The following DEF8 variants were observed in gnomAD, a reference collection of about 807,000 sequenced individuals.
DEF8 encodes DEF-8.
DEF8 carries 38 observed loss-of-function variants against 59.1 expected under a neutral mutation model. The ratio of observed to expected loss-of-function variants is 0.64; its 90% confidence interval spans 0.50 to 0.84. DEF8 has a LOEUF of 0.84. Among genes scored for constraint, DEF8 ranks in the 40% least tolerant of loss-of-function variants. DEF8 has a pLI of 0.00. For missense variants in DEF8, 557 were observed against 615.2 expected (o/e 0.91, Z 1.00); for synonymous variants, 265 against 250.1 (o/e 1.06, Z -0.56).
rs1172269302 is a variant in DEF8 at position 89,955,253 on chromosome 16, T to A, written c.209T>A (p.Phe70Tyr). 6.2e-7 allele frequency: 1 copy of A among 1,612,760 alleles called. No individual in the cohort carries two copies. Among genetic ancestry groups the A allele is most frequent in the Non-Finnish European group, 8.5e-7 (1 of 1,179,564 alleles). The change falls in exon 4 of 13, where the codon TTC (phenylalanine) becomes TAC (tyrosine). Residue 70 changes from phenylalanine (F) to tyrosine (Y), a missense_variant. Transcript: ENST00000563594. ...VMDLGLSEDHFSRPVGLFLAS... is the reference protein window; with the variant it reads ...VMDLGLSEDHYSRPVGLFLAS... Reference sequence around the variant, plus strand: ...GATCTCGGCCTGTCTGAGGACCACTTCTCCCGCCCTGTGGTAAGGTTTTAG... The same window carrying A: ...GATCTCGGCCTGTCTGAGGACCACTACTCCCGCCCTGTGGTAAGGTTTTAG...
In DEF8 at chr16:89,962,107, G is replaced by T. The variant is rs368150604; in HGVS notation, c.903G>T (p.Glu301Asp). The change falls in exon 9 of 13, where the codon GAG becomes GAT. Residue 301 changes from glutamate to aspartate, a missense_variant. Physicochemically the swap from Glu to Asp is conservative, Grantham distance 45. Coordinates refer to ENST00000563594, the MANE Select transcript of DEF8 (RefSeq NM_001242818.2). The part of the protein sequence containing the change: ...EINPLLFSYV[E>D]ELVEIRKLRQ... ...ACCCTCTGCTGTTCAGCTACGTGGA[G>T]GAGCTGGTGGAGATTCGCGTGAGGC... 10 of 1,614,000 alleles carry T rather than the reference G, an allele frequency of 6.2e-6. No homozygotes were observed. In the South Asian group the frequency reaches 1.1e-4, roughly 18 times the overall value.
intron 2 of DEF8, among the ~76,000 whole-genome samples, chr16:89,950,493 A>ATTCTCCTGC (rs2031825526): frequency 6.6e-6 from 1 of 151,116 alleles, no homozygotes; most frequent in Non-Finnish European, 1.5e-5. Context: ...TGTTCAAGTG[A>ATTCTCCTGC]TTCTCCTGCC....
intron 1 of DEF8, among the ~76,000 whole-genome samples, 163 bp from the exon 2 acceptor site, chr16:89,949,254 G>C (rs1174478151): frequency 6.6e-6 from 1 of 152,100 alleles, no homozygotes; most frequent in South Asian, 2.1e-4. Context: ...CAGGGGACCC[G>C]CGTGGCCGTG....
chr16:89,959,029 G>A lies in DEF8; in HGVS notation c.388G>A (p.Glu130Lys), dbSNP rs1356591725. 1.9e-6 allele frequency: 3 copies of A among 1,612,306 alleles called. No individual in the cohort carries two copies. The highest frequency in any genetic ancestry group is 8.5e-7 in the Non-Finnish European group (1 of 1,180,028). The change falls in exon 6 of 13, where the codon GAG becomes AAG. Residue 130 changes from glutamate (E) to lysine (K), a missense_variant. Physicochemically the swap from Glu to Lys is moderately conservative, Grantham distance 56. Transcript: ENST00000563594. ...LQELKDPNED[E>K]PNIRVLLEHR... ...CCCTCTGCAGGACCCCAATGAGGAT[G>A]AGCCAAACATCCGAGTGCTCCTTGA... is the stretch of plus-strand genomic sequence containing the variant.
intron 7 of DEF8, among the ~76,000 whole-genome samples, chr16:89,961,341 C>G (rs2151200466): frequency 6.6e-6 from 1 of 152,350 alleles, no homozygotes; most frequent in Admixed American, 6.5e-5. Context: ...GGGCTGGGAC[C>G]TGGCCTCCGC....
chr16:89,960,900 C>G (rs2033941645), intron 6 of DEF8, 31 bp from the exon 7 acceptor site: 1 of 1,601,988 alleles, frequency 6.2e-7, no homozygotes, highest in African/African-American at 1.3e-5. Flanking sequence ...ACCCTTCCCG[C>G]TTTTGAGAAG....
chr16:89,956,668 G>T (rs1331331305), intron 4 of DEF8: 2 of 147,226 alleles, frequency 1.4e-5, no homozygotes, highest in African/African-American at 5.3e-5. Flanking sequence ...ACAATGCTCA[G>T]ATAATTTTTC....
chr16:89,951,049 C>T (rs2031959481), intron 2 of DEF8, among the ~76,000 whole-genome samples: 1 of 152,168 alleles, frequency 6.6e-6, no homozygotes, highest in African/African-American at 2.4e-5. Flanking sequence ...GGCCAGTGTT[C>T]TCTGAACTTA....
Position 89,964,519 on chromosome 16 carries a change from G to A in DEF8, c.1197G>A (p.Leu399=), listed in dbSNP as rs1483015847. 6.3e-7 allele frequency: 1 copy of A among 1,597,552 alleles called. No individual in the cohort carries two copies. Among genetic ancestry groups the A allele is most frequent in the Admixed American group, 1.7e-5 (1 of 57,904 alleles). Residue 399 remains leucine, a synonymous_variant, in exon 12 of 13, where the codon CTG becomes CTA. Coordinates refer to ENST00000563594, the MANE Select transcript of DEF8 (RefSeq NM_001242818.2). Reference sequence around the variant, plus strand: ...AGCTCTGCAGAGAGGGCGACGTGCTGTTCCCGTTCGACAGCCACACGTCTG... The same window carrying A: ...AGCTCTGCAGAGAGGGCGACGTGCTATTCCCGTTCGACAGCCACACGTCTG... ...VCELCREGDV[L]FPFDSHTSVC... is the part of the protein sequence containing the mutation.
chr16:89,964,907 T>C (rs1352903690), intron 12 of DEF8, among the ~76,000 whole-genome samples: 1 of 152,218 alleles, frequency 6.6e-6, no homozygotes, highest in African/African-American at 2.4e-5. Context: ...TCTACTAGGA[T>C]TGAAGTCACT....
chr16:89,960,120 G>C (rs1156566277), intron 6 of DEF8, among the ~76,000 whole-genome samples: 1 of 152,220 alleles, frequency 6.6e-6, no homozygotes, highest in African/African-American at 2.4e-5. Flanking sequence ...TTCTGGGGGA[G>C]GTGGGCTCAG....
chr16:89,955,164 T>G lies in DEF8; in HGVS notation c.125-5T>G. 1 of 1,611,544 alleles carries G rather than the reference T, an allele frequency of 6.2e-7. No individual in the cohort carries two copies. Among genetic ancestry groups the G allele is most frequent in the South Asian group, 1.1e-5 (1 of 91,064 alleles). On this transcript the variant is annotated splice_region_variant and splice_polypyrimidine_tract_variant and intron_variant, in intron 3 of 12. Transcript: ENST00000563594. ...CGCTCCACACCTGTCCCCGTCTTCC[T>G]CCAGAGGCCCTGCCTGAGCTGCCCC...
At chr16:89,964,648 TC>T in intron 12 of DEF8, 73 bp downstream of exon 12, 1 of 1,155,300 alleles carries the variant, frequency 8.7e-7, no homozygotes, top group Non-Finnish European at 1.2e-6. Context: ...CCCCTTGGCC[TC>T]CGGTAGGATG....
intron 2 of DEF8, among the ~76,000 whole-genome samples, chr16:89,950,542 C>T (rs1483263986): frequency 6.6e-6 from 1 of 152,162 alleles, no homozygotes; most frequent in Non-Finnish European, 1.5e-5. Context: ...CATGCACCAC[C>T]ATGCCCAGCT....
In DEF8 at chr16:89,965,954, G is replaced by A. The variant is rs1184961514; in HGVS notation, c.1347G>A (p.Val449=). 2 of 1,612,436 alleles carry A rather than the reference G, an allele frequency of 1.2e-6. No individual in the cohort carries two copies. Among genetic ancestry groups the A allele is most frequent in the Admixed American group, 3.3e-5 (2 of 59,914 alleles). Residue 449 remains valine (V), a synonymous_variant, in exon 13 of 13, where the codon GTG becomes GTA. Transcript: ENST00000563594. ...QSLFQEPGPD[V]EA is the part of the protein sequence containing the mutation. ...TCTTCCAGGAGCCAGGTCCCGATGT[G>A]GAGGCCTAGCGCCGAGGAACAGTGC...
rs1597544416 is a variant in DEF8, at chr16:89,966,273, G to A, written c.*310G>A. ...GACATCTCACCTCCCCCATGGCACA[G>A]AGCCCTCCACACCCCTGGACCAGGG... is the stretch of plus-strand genomic sequence containing the variant. On this transcript the variant is annotated 3_prime_UTR_variant, in exon 13 of 13. Transcript: ENST00000563594. The A allele has an allele frequency of 6.9e-6, 2 of 290,170 alleles. No individual in the cohort carries two copies. Among genetic ancestry groups the A allele is most frequent in the East Asian group, 1.8e-4 (2 of 10,984 alleles). 18.0% of individuals were successfully genotyped at this position (290,170 alleles called of 1,614,324 possible).
Position 89,950,339 on chromosome 16 carries a change from C to T in DEF8, c.-11+826C>T, listed in dbSNP as rs1013973405. ...CATCCACCCCAGAAAGTAGGTGTTC[C>T]CCCTGATTTATAGGCAAGACAATGG... is the stretch of plus-strand genomic sequence containing the variant. On this transcript the variant is annotated intron_variant, in intron 2 of 12. Transcript: ENST00000563594. 2.1e-5 allele frequency: 21 copies of T among 985,346 alleles called. No individual in the cohort carries two copies. In the African/African-American group the frequency reaches 3.3e-4, roughly 16 times the overall value. The allele number at this position is 985,346 out of a possible 1,614,324, so 61.0% of individuals were successfully genotyped here.
chr16:89,955,019 G>A (rs776517965), intron 3 of DEF8, 150 bp from the exon 4 acceptor site: 2 of 627,998 alleles, frequency 3.2e-6, no homozygotes, highest in Non-Finnish European at 5.7e-6. Context: ...ACGGTGTGCA[G>A]ATCTGAGTGG....
rs2034662303 is a variant in DEF8, at chr16:89,967,466, C to A, written c.*1503C>A. On this transcript the variant is annotated 3_prime_UTR_variant, in exon 13 of 13. Transcript: ENST00000563594. Reference sequence around the variant, plus strand: ...GGCAAGGTTCTTATTGTCTGCTCTGCCTCGGTTTCCCCATCTGGAAAATGG... The same window carrying A: ...GGCAAGGTTCTTATTGTCTGCTCTGACTCGGTTTCCCCATCTGGAAAATGG... The A allele has an allele frequency of 2.5e-6, 1 of 398,518 alleles. No homozygotes were observed. The highest frequency in any genetic ancestry group is 2.1e-5 in the African/African-American group (1 of 48,616). The allele number at this position is 398,518 out of a possible 1,614,324, so 24.7% of individuals were successfully genotyped here. A position where few individuals can be genotyped will look rare whatever the true frequency, so the allele number is the denominator to read the frequency against.
Sources: allele counts gnomAD v4.1 joint callset (sites outside exome capture counted in the v4.1 genomes callset), GRCh38; gene constraint gnomAD v4.1.1; transcripts MANE v1.5; gene names NCBI Gene and HGNC (gene_info 2026-07-23, HGNC 2026-07-21).